The following FHOD3 variants were observed in gnomAD, a reference collection of about 807,000 sequenced individuals.
FHOD3 encodes FH1/FH2 domain-containing protein 3.
A neutral mutation model predicts 173.0 loss-of-function variants in FHOD3; 90 were observed. The ratio of observed to expected loss-of-function variants is 0.52; its 90% CI spans 0.44 to 0.62. The LOEUF is 0.62. Among genes scored for constraint, FHOD3 ranks in the 20% least tolerant of loss-of-function variants. The probability of loss-of-function intolerance (pLI) is 0.00; values close to 1 mark genes in which losing one functional copy is unlikely to be tolerated. For missense variants in FHOD3, 1,945 were observed against 2,034.7 expected (o/e 0.96, Z 0.85); for synonymous variants, 828 against 823.0 (o/e 1.01, Z -0.10).
In FHOD3 at chr18:36,389,292, C is replaced by A. The variant is rs112240505; in HGVS notation, c.337+16548C>A. The stretch of plus-strand genomic sequence containing the variant: ...TCCCTTAGGTCAACACTCCCAGACC[C>A]CAACACTGAAGAACTCACCTTCATA... On this transcript the variant is annotated intron_variant, in intron 3 of 28. Transcript: ENST00000590592. Among the ~76,000 whole-genome samples, 198 of 152,302 alleles carry A rather than the reference C, an allele frequency of 1.3e-3. 2 individuals are homozygous for A. The highest frequency in any genetic ancestry group is 4.5e-3 in the African/African-American group (186 of 41,574).
intron 3 of FHOD3, among the ~76,000 whole-genome samples, chr18:36,379,280 A>G (rs1209423849): frequency 6.6e-6 from 1 of 152,248 alleles, no homozygotes; most frequent in East Asian, 1.9e-4. Context: ...GGGAAAATGG[A>G]CAGGAACAAT....
intron 8 of FHOD3, among the ~76,000 whole-genome samples, chr18:36,605,661 A>G (rs1316515732): frequency 1.3e-5 from 2 of 152,256 alleles, no homozygotes; most frequent in East Asian, 3.9e-4. Context: ...AAAATTTGCA[A>G]CCTCCGGCAT....
At chr18:36,553,757 A>T (rs2057758911) in intron 5 of FHOD3, among the ~76,000 whole-genome samples, 1 of 152,234 alleles carries the variant, frequency 6.6e-6, no homozygotes, top group South Asian at 2.1e-4. Context: ...GCTAATATCC[A>T]GAATCTACAA....
intron 5 of FHOD3, among the ~76,000 whole-genome samples, chr18:36,547,956 G>C (rs71366395): frequency 0.15 from 22,754 of 152,178 alleles, 1,919 homozygotes; most frequent in East Asian, 0.4. Flanking sequence ...ACTTTGGGAG[G>C]CCAAAGAAGC....
At chr18:36,710,546 C>T (rs2040115513) in intron 18 of FHOD3, 1 of 152,142 alleles carries the variant, frequency 6.6e-6, no homozygotes, top group Non-Finnish European at 1.5e-5. Flanking sequence ...AAAATAGTTA[C>T]TATTTGGATT....
At chr18:36,763,094 GCGTATTATACACGTTATATATAA>G (rs2042966027) in intron 27 of FHOD3, among the ~76,000 whole-genome samples, 1 of 146,762 alleles carries the variant, frequency 6.8e-6, no homozygotes, top group African/African-American at 2.5e-5. Flanking sequence ...TATATAATAT[GCGTATTATACACGTTATATATAA>G]TATGTGTATT....
intron 10 of FHOD3, among the ~76,000 whole-genome samples, chr18:36,626,503 G>T (rs149809002): frequency 9.6e-4 from 146 of 152,294 alleles, no homozygotes; most frequent in African/African-American, 3.4e-3. Context: ...ACAAAAGGCT[G>T]GCCATGCCTG....
intron 4 of FHOD3, among the ~76,000 whole-genome samples, chr18:36,511,357 G>T (rs199502640): frequency 7.0e-5 from 10 of 143,634 alleles, no homozygotes; most frequent in Non-Finnish European, 9.1e-5. Flanking sequence ...TCTTGCCAAT[G>T]TTTTTTTTTT....
chr18:36,367,265 T>A (rs1352153465), intron 2 of FHOD3, among the ~76,000 whole-genome samples: 2 of 152,196 alleles, frequency 1.3e-5, no homozygotes. Context: ...TTCCTTGAGT[T>A]GCTTATCTAT....
At chr18:36,746,167 TG>T (rs2042148609) in intron 23 of FHOD3, among the ~76,000 whole-genome samples, 2 of 152,202 alleles carry the variant, frequency 1.3e-5, no homozygotes, top group Admixed American at 1.3e-4. Context: ...CCAGCCTGTC[TG>T]CACGTCCCTG....
intron 14 of FHOD3, among the ~76,000 whole-genome samples, chr18:36,675,834 C>T (rs1446281096): frequency 2.6e-5 from 4 of 152,194 alleles, no homozygotes; most frequent in East Asian, 1.9e-4. Context: ...GACCCCAAAA[C>T]GTAAGCTGCT....
At chr18:36,750,017 T>C (rs893633747) in intron 24 of FHOD3, among the ~76,000 whole-genome samples, 9 of 152,014 alleles carry the variant, frequency 5.9e-5, no homozygotes, top group Non-Finnish European at 1.0e-4. Flanking sequence ...GGGCCGGGCA[T>C]GGTGGCTCAC....
At chr18:36,465,981 G>GT (rs1396492883) in intron 3 of FHOD3, among the ~76,000 whole-genome samples, 1 of 152,158 alleles carries the variant, frequency 6.6e-6, no homozygotes, top group East Asian at 1.9e-4. Context: ...AGTCCTTGAA[G>GT]TAGCTTGACC....
intron 27 of FHOD3, among the ~76,000 whole-genome samples, chr18:36,763,222 G>T (rs1239915096): frequency 2.8e-5 from 4 of 140,446 alleles, no homozygotes; most frequent in Non-Finnish European, 6.1e-5. Context: ...TGTACTATAC[G>T]TTATATACAA....
rs74865195 is a variant in FHOD3 at position 36,649,178 on chromosome 18, G to T, written c.1197-138G>T. On this transcript the variant is annotated intron_variant, in intron 10 of 28. Transcript: ENST00000590592. Reference sequence around the variant, plus strand: ...TTTTCTTCATTTCAGCCAGCTGGGTGGTTTTTTTTTTTTAATTATTATTAT... The same window carrying T: ...TTTTCTTCATTTCAGCCAGCTGGGTTGTTTTTTTTTTTTAATTATTATTAT... The T allele has an allele frequency of 5.9e-3, 3,374 of 569,360 alleles. 7 individuals are homozygous for T. The highest frequency in any genetic ancestry group is 0.027 in the East Asian group (765 of 28,698). The allele number at this position is 569,360 out of a possible 1,614,324, so 35.3% of individuals were successfully genotyped here.
chr18:36,447,215 G>A (rs2051537551), intron 3 of FHOD3, among the ~76,000 whole-genome samples: 1 of 152,166 alleles, frequency 6.6e-6, no homozygotes, highest in Admixed American at 6.5e-5. Context: ...TACTGTAAAT[G>A]CAGTATCTCA....
chr18:36,561,520 G>A (rs1207948294), intron 5 of FHOD3, among the ~76,000 whole-genome samples: 1 of 152,182 alleles, frequency 6.6e-6, no homozygotes, highest in African/African-American at 2.4e-5. Flanking sequence ...AGTTTTTTGA[G>A]AAGTACTATT....
intron 3 of FHOD3, among the ~76,000 whole-genome samples, chr18:36,429,975 G>A (rs1195779111): frequency 6.6e-6 from 1 of 152,190 alleles, no homozygotes; most frequent in East Asian, 1.9e-4. Context: ...GGGAATGGGT[G>A]CCTGTTACCT....
At chr18:36,447,082 G>C (rs1031338039) in intron 3 of FHOD3, among the ~76,000 whole-genome samples, 1 of 152,176 alleles carries the variant, frequency 6.6e-6, no homozygotes, top group Non-Finnish European at 1.5e-5. Context: ...ATTTGAGATA[G>C]ATCTTATATC....
Sources: gnomAD v4.1 joint callset for allele counts (sites outside exome capture counted in the v4.1 genomes callset) on GRCh38, gnomAD v4.1.1 for gene constraint, MANE v1.5 for transcripts, NCBI Gene and HGNC (gene_info 2026-07-23, HGNC 2026-07-21) for gene names.